Variants in SPON1 observed in about 807,000 individuals in gnomAD.
SPON1 encodes spondin 1.
SPON1 carries 52 observed loss-of-function variants against 111.7 expected under a neutral mutation model. That is an observed-to-expected ratio of 0.47 (90% CI 0.37 to 0.59). The LOEUF is 0.59. SPON1 is among the 20% of genes least tolerant of loss of function. The probability of loss-of-function intolerance (pLI) is 0.00; values close to 1 mark genes in which losing one functional copy is unlikely to be tolerated. For synonymous variants in SPON1, 410 were observed against 395.8 expected (o/e 1.04, Z -0.43); for missense variants, 957 against 1,068.5 (o/e 0.90, Z 1.46).
At chr11:14,238,775 CA>C (rs1848893172) in intron 6 of SPON1, among the ~76,000 whole-genome samples, 1 of 152,186 alleles carries the variant, frequency 6.6e-6, no homozygotes, top group Non-Finnish European at 1.5e-5. Context: ...AATATGCTTA[CA>C]AAAGCAAAAT....
At chr11:14,080,567 T>C (rs1020469448) in intron 5 of SPON1, among the ~76,000 whole-genome samples, 2 of 152,110 alleles carry the variant, frequency 1.3e-5, no homozygotes, top group Non-Finnish European at 2.9e-5. Context: ...TTTAAAAATA[T>C]TCCCAAAGTC....
intron 7 of SPON1, among the ~76,000 whole-genome samples, chr11:14,248,079 G>A (rs781855007): frequency 6.6e-6 from 1 of 152,208 alleles, no homozygotes; most frequent in Non-Finnish European, 1.5e-5. Flanking sequence ...GAGAAAGCCA[G>A]GGGAAGAAAG....
intron 5 of SPON1, among the ~76,000 whole-genome samples, chr11:14,107,590 GAAAAAAA>G (rs3047369): frequency 5.0e-5 from 6 of 119,238 alleles, no homozygotes; most frequent in South Asian, 2.8e-4. Flanking sequence ...AGATCCTCAG[GAAAAAAA>G]AAAAAAAAAA....
At chr11:14,047,143 AATATAT>A (rs575432339) in intron 3 of SPON1, among the ~76,000 whole-genome samples, 1 of 151,824 alleles carries the variant, frequency 6.6e-6, no homozygotes, top group East Asian at 1.9e-4. Flanking sequence ...TAAAATAATG[AATATAT>A]ATATATACCT....
chr11:13,971,755 G>A (rs1554908616), intron 1 of SPON1, among the ~76,000 whole-genome samples: 1 of 152,048 alleles, frequency 6.6e-6, no homozygotes, highest in Non-Finnish European at 1.5e-5. Flanking sequence ...GCCCTATCCT[G>A]TTACTATGGG....
intron 3 of SPON1, among the ~76,000 whole-genome samples, chr11:14,075,008 A>T (rs148707641): frequency 1.4e-3 from 216 of 152,360 alleles, no homozygotes; most frequent in African/African-American, 5.1e-3. Context: ...CATGAAAAGT[A>T]GAGTAAAATA....
intron 6 of SPON1, among the ~76,000 whole-genome samples, chr11:14,179,683 C>T (rs1157289416): frequency 3.3e-5 from 5 of 152,114 alleles, no homozygotes; most frequent in Non-Finnish European, 5.9e-5. Context: ...ATGTTATTAT[C>T]ATGTGGATTA....
intron 5 of SPON1, among the ~76,000 whole-genome samples, chr11:14,091,491 C>T (rs1289470230): frequency 6.6e-6 from 1 of 152,182 alleles, no homozygotes; most frequent in African/African-American, 2.4e-5. Context: ...GCAGCTCAGG[C>T]TCGGTGAGAA....
intron 1 of SPON1, among the ~76,000 whole-genome samples, chr11:13,963,739 G>T (rs1352840992): frequency 1.3e-5 from 2 of 152,264 alleles, no homozygotes; most frequent in East Asian, 3.9e-4. Flanking sequence ...TCCTCGAAAG[G>T]GTCCTTGGAA....
At position 14,259,839 on chromosome 11, in the gene SPON1, G is replaced by A; in HGVS notation, c.1831+138G>A. Reference sequence around the variant, plus strand: ...CCCATGGTCCTTGCTGGGCACTGCTGGGAGCCAGATGAGAGACATAGGTGT... The same window carrying A: ...CCCATGGTCCTTGCTGGGCACTGCTAGGAGCCAGATGAGAGACATAGGTGT... On this transcript the variant is annotated intron_variant, in intron 13 of 15. Coordinates refer to ENST00000576479, the MANE Select transcript of SPON1 (RefSeq NM_006108.4). This position sits in a 1 kb window ranked among gnomAD's most constrained non-coding sequence, Gnocchi z 5.0. 1 of 964,840 alleles carries A rather than the reference G, an allele frequency of 1.0e-6. No homozygotes were observed. The highest frequency in any genetic ancestry group is 1.7e-5 in the South Asian group (1 of 57,820). The allele number at this position is 964,840 out of a possible 1,614,324, so 59.8% of individuals were successfully genotyped here.
chr11:14,093,004 C>T (rs1471878798), intron 5 of SPON1, among the ~76,000 whole-genome samples: 4 of 152,168 alleles, frequency 2.6e-5, no homozygotes, highest in African/African-American at 9.7e-5. Flanking sequence ...TAATAAGGCC[C>T]TGCTGTACTA....
chr11:14,126,313 C>T (rs766133735), intron 5 of SPON1, among the ~76,000 whole-genome samples: 36 of 152,186 alleles, frequency 2.4e-4, no homozygotes, highest in Admixed American at 5.2e-4. Context: ...CTGTCTCCTT[C>T]AACACTAGAT....
intron 6 of SPON1, among the ~76,000 whole-genome samples, chr11:14,147,043 T>C (rs1368599688): frequency 3.6e-5 from 5 of 138,318 alleles, no homozygotes; most frequent in African/African-American, 1.4e-4. Flanking sequence ...TTTTTTTTTT[T>C]TTTTGAGACG....
intron 5 of SPON1, among the ~76,000 whole-genome samples, chr11:14,109,175 T>A (rs1425609976): frequency 2.6e-5 from 4 of 152,138 alleles, no homozygotes; most frequent in Non-Finnish European, 4.4e-5. Context: ...TATCTATTGT[T>A]CTGTTTATCA....
intron 6 of SPON1, among the ~76,000 whole-genome samples, chr11:14,210,174 T>G (rs540292075): frequency 6.6e-6 from 1 of 152,300 alleles, no homozygotes; most frequent in South Asian, 2.1e-4. Context: ...CTTTGTCAGA[T>G]GGATAGATTG....
chr11:14,033,190 A>G (rs782031048), intron 2 of SPON1, among the ~76,000 whole-genome samples: 20 of 152,186 alleles, frequency 1.3e-4, no homozygotes, highest in Non-Finnish European at 2.5e-4. Flanking sequence ...TGTTCTAATT[A>G]TCTGACTTCT....
intron 15 of SPON1, among the ~76,000 whole-genome samples, chr11:14,264,002 C>G (rs1213333917): frequency 6.7e-6 from 1 of 149,946 alleles, no homozygotes; most frequent in Admixed American, 6.7e-5. Context: ...GCACTCCAGT[C>G]TGGGCAACAA....
chr11:14,060,707 C>T (rs1848785183), intron 3 of SPON1, among the ~76,000 whole-genome samples: 1 of 152,132 alleles, frequency 6.6e-6, no homozygotes, highest in African/African-American at 2.4e-5. Context: ...GGGCTGCAAA[C>T]CCTGGAACTA....
chr11:14,134,267 T>A (rs549117123), intron 5 of SPON1, among the ~76,000 whole-genome samples: 1 of 152,210 alleles, frequency 6.6e-6, no homozygotes, highest in South Asian at 2.1e-4. Context: ...GATGAACTAA[T>A]TATATGTAAC....
Sources: allele counts gnomAD v4.1 joint callset (sites outside exome capture counted in the v4.1 genomes callset), GRCh38; gene constraint gnomAD v4.1.1; non-coding constraint Gnocchi (gnomAD v3.1); transcripts MANE v1.5; gene names NCBI Gene and HGNC (gene_info 2026-07-23, HGNC 2026-07-21).